Variants in USH2A observed in about 807,000 individuals in gnomAD.
USH2A encodes usherin.
In USH2A, 443 loss-of-function variants were observed where a neutral mutation model predicts 538.9. That is an observed-to-expected ratio of 0.82 (90% CI 0.76 to 0.89). The LOEUF (loss-of-function observed/expected upper bound fraction) is 0.89. USH2A is among the 40% of genes least tolerant of loss of function. USH2A has a pLI of 0.00. For missense variants in USH2A, 6,633 were observed against 6,324.8 expected, an observed-to-expected ratio of 1.05 and a Z score of -1.65; for synonymous variants, 2,413 against 2,273.5, an observed-to-expected ratio of 1.06 and a Z score of -1.75.
At chr1:215,920,599 C>T (rs1210234968) in intron 38 of USH2A, among the ~76,000 whole-genome samples, 4 of 151,942 alleles carry the variant, frequency 2.6e-5, no homozygotes, top group Non-Finnish European at 5.9e-5. Context: ...TTATGAAACC[C>T]CTTCCCAGAT....
chr1:216,102,566 G>A (rs1376225158), intron 21 of USH2A, among the ~76,000 whole-genome samples: 1 of 152,076 alleles, frequency 6.6e-6, no homozygotes, highest in African/African-American at 2.4e-5. Flanking sequence ...TTGGGAGGCC[G>A]AGGCAGGCGG....
intron 35 of USH2A, among the ~76,000 whole-genome samples, chr1:215,977,720 C>T (rs1340452113): frequency 6.6e-6 from 1 of 152,184 alleles, no homozygotes; most frequent in African/African-American, 2.4e-5. Context: ...ACTGTATTGG[C>T]CAGGCTAGTC....
At chr1:215,993,735 A>G (rs1265263678) in intron 34 of USH2A, among the ~76,000 whole-genome samples, 1 of 152,180 alleles carries the variant, frequency 6.6e-6, no homozygotes, top group Non-Finnish European at 1.5e-5. Flanking sequence ...AACAAATACA[A>G]AGCAATTTTT....
intron 60 of USH2A, among the ~76,000 whole-genome samples, chr1:215,728,929 G>A (rs1363435898): frequency 6.6e-6 from 1 of 152,074 alleles, no homozygotes; most frequent in African/African-American, 2.4e-5. Flanking sequence ...GGAACCACAG[G>A]ATATGGAATT....
chr1:215,849,742 A>G (rs1041537203), intron 44 of USH2A, among the ~76,000 whole-genome samples: 2 of 152,214 alleles, frequency 1.3e-5, no homozygotes, highest in Admixed American at 6.5e-5. Flanking sequence ...AGGAGAAAAA[A>G]ATCAGATAAG....
chr1:216,366,557 A>G (rs1033945118), intron 3 of USH2A, among the ~76,000 whole-genome samples: 5 of 151,972 alleles, frequency 3.3e-5, no homozygotes, highest in Non-Finnish European at 5.9e-5. Flanking sequence ...CATGTGTACT[A>G]TTGCCTTAAA....
intron 16 of USH2A, chr1:216,201,677 T>C: frequency 5.0e-6 from 1 of 198,774 alleles, no homozygotes; most frequent in Admixed American, 5.0e-5. Flanking sequence ...GGAGGAGGCC[T>C]CCGCTGGTGT....
At chr1:216,212,337 A>G (rs2035258120) in intron 15 of USH2A, among the ~76,000 whole-genome samples, 1 of 152,188 alleles carries the variant, frequency 6.6e-6, no homozygotes, top group South Asian at 2.1e-4. Context: ...TAGATGACTT[A>G]CCAACACTTT....
intron 49 of USH2A, among the ~76,000 whole-genome samples, chr1:215,801,683 G>T (rs528400868): frequency 6.6e-6 from 1 of 152,246 alleles, no homozygotes; most frequent in Non-Finnish European, 1.5e-5. Flanking sequence ...CCTTAATGTT[G>T]TTAAGGTGCC....
intron 29 of USH2A, among the ~76,000 whole-genome samples, chr1:216,072,147 C>A (rs773066032): frequency 1.3e-5 from 2 of 152,182 alleles, no homozygotes; most frequent in Non-Finnish European, 2.9e-5. Context: ...TGGCAATCAT[C>A]TGGAGATGTG....
chr1:216,250,762 T>C lies in USH2A; in HGVS notation c.2167+141A>G, dbSNP rs535834346. On this transcript the variant is annotated intron_variant, in intron 12 of 71. Transcript: ENST00000307340. The stretch of plus-strand genomic sequence containing the variant: ...TTATTAATTTAATCATTTTAAACAG[T>C]TAATTTCATCCAAATTGTTTTTTTT... 5.6e-4 allele frequency: 481 copies of C among 863,510 alleles called. 8 individuals carry two copies. The South Asian group carries it at 6.7e-3, about 12-fold the overall frequency. 53.5% of individuals were successfully genotyped at this position (863,510 alleles called of 1,614,324 possible).
In USH2A at chr1:215,884,642, C is replaced by T. The variant is rs114099406; in HGVS notation, c.8223+3784G>A. Among the ~76,000 whole-genome samples, 618 of 151,652 alleles carry T rather than the reference C, an allele frequency of 4.1e-3. 5 individuals carry two copies. The highest frequency in any genetic ancestry group is 0.014 in the African/African-American group (597 of 41,312). Reference sequence around the variant, plus strand: ...TATATTTTCATTATTATTTTATTTCCTCTGTTTTATACTTTTTGTCTGTGG... The same window carrying T: ...TATATTTTCATTATTATTTTATTTCTTCTGTTTTATACTTTTTGTCTGTGG... On this transcript the variant is annotated intron_variant, in intron 41 of 71. Transcript: ENST00000307340.
At chr1:215,961,051 A>C (rs938408715) in intron 37 of USH2A, among the ~76,000 whole-genome samples, 1 of 152,034 alleles carries the variant, frequency 6.6e-6, no homozygotes, top group Non-Finnish European at 1.5e-5. Context: ...TTAGATTATC[A>C]TTTTCCCCTG....
chr1:215,817,182 C>A lies in USH2A; in HGVS notation c.9385G>T (p.Asp3129Tyr). The A allele has an allele frequency of 1.2e-6, 2 of 1,612,036 alleles. No homozygotes were observed. The highest frequency in any genetic ancestry group is 2.2e-5 in the South Asian group (2 of 91,048). ...TTTGGCTTCCGTGGAGACACCCAATCAATTTGAAGAGATCTGCAACAGAGA... is the reference window on the plus strand; with the variant it reads ...TTTGGCTTCCGTGGAGACACCCAATAAATTTGAAGAGATCTGCAACAGAGA... ...RGITSRSLQIDWVSPRKPNGI... is the reference protein window; with the variant it reads ...RGITSRSLQIYWVSPRKPNGI... The change falls in exon 48 of 72, where the codon GAT (aspartate) becomes TAT (tyrosine). Residue 3129 changes from aspartate (D) to tyrosine (Y), a missense_variant. By Grantham distance (160) the Asp-to-Tyr change is radical. Coordinates refer to ENST00000307340, the MANE Select transcript of USH2A (RefSeq NM_206933.4).
chr1:215,634,325 TG>T, intron 70 of USH2A, 133 bp downstream of exon 70: 1 of 1,435,790 alleles, frequency 7.0e-7, no homozygotes. Context: ...TAGCCTCTCT[TG>T]GTCCCCACAC....
chr1:216,173,831 G>A (rs2034319279), intron 21 of USH2A: 1 of 438,424 alleles, frequency 2.3e-6, no homozygotes, highest in Non-Finnish European at 3.0e-6. Context: ...CTATTTCTTG[G>A]AAGAAACACA....
At chr1:215,683,216 T>TACACACACACAC (rs71167830) in intron 61 of USH2A, among the ~76,000 whole-genome samples, 199 of 149,680 alleles carry the variant, frequency 1.3e-3, no homozygotes, top group African/African-American at 4.7e-3. Context: ...AATAGTTTTA[T>TACACACACACAC]ACACACACAC....
chr1:215,797,642 CATATCTGT>C (rs1199492660), intron 50 of USH2A, among the ~76,000 whole-genome samples: 1 of 151,990 alleles, frequency 6.6e-6, no homozygotes, highest in Non-Finnish European at 1.5e-5. Context: ...TGTATGATTA[CATATCTGT>C]TTACAATATG....
intron 14 of USH2A, among the ~76,000 whole-genome samples, chr1:216,218,322 C>T (rs2035385523): frequency 6.6e-6 from 1 of 152,040 alleles, no homozygotes; most frequent in African/African-American, 2.4e-5. Flanking sequence ...TGTTTCTTCA[C>T]AGTGAATTAT....
Sources: allele counts gnomAD v4.1 joint callset (sites outside exome capture counted in the v4.1 genomes callset), GRCh38; gene constraint gnomAD v4.1.1; transcripts MANE v1.5; gene names NCBI Gene and HGNC (gene_info 2026-07-23, HGNC 2026-07-21).